TRDN: variants seen among roughly 807,000 people sequenced by gnomAD.
The protein encoded by TRDN is triadin.
Under a neutral mutation model 149.7 loss-of-function variants are expected in TRDN, and 161 were observed. That is an observed-to-expected ratio of 1.08 (90% CI 0.95 to 1.23). TRDN has a LOEUF of 1.23. TRDN is among the 50% of genes most tolerant of loss of function. The probability of loss-of-function intolerance (pLI) is 0.00; values close to 1 mark genes in which losing one functional copy is unlikely to be tolerated. For synonymous variants in TRDN, 294 were observed against 250.5 expected, an observed-to-expected ratio of 1.17 and a Z score of -1.64; for missense variants, 896 against 823.5, an observed-to-expected ratio of 1.09 and a Z score of -1.08.
At chr6:123,508,242 A>T (rs960184246) in intron 7 of TRDN, among the ~76,000 whole-genome samples, 2 of 152,188 alleles carry the variant, frequency 1.3e-5, no homozygotes, top group Non-Finnish European at 2.9e-5. Context: ...AAAGCCATTT[A>T]TCAAAGATGG....
Position 123,381,956 on chromosome 6 carries a change from G to GCTCT in TRDN, c.1165+158_1165+161dup, listed in dbSNP as rs55997261. On this transcript the variant is annotated intron_variant, in intron 15 of 40. Coordinates refer to ENST00000334268, the MANE Select transcript of TRDN (RefSeq NM_006073.4). ...GCAGTATTGTCAGAATAGATTTGGC[G>GCTCT]CTCTCTCTCTCTCTCTCTCTCTCTC... is the stretch of plus-strand genomic sequence containing the variant. 0.16 allele frequency among the ~76,000 whole-genome samples: 21,781 copies of GCTCT among 138,240 alleles called. 1,637 individuals are homozygous for GCTCT. The highest frequency in any genetic ancestry group is 0.25 in the South Asian group (1,037 of 4,158). 90.7% of individuals were successfully genotyped at this position (138,240 alleles called of 152,430 possible). A position where few individuals can be genotyped will look rare whatever the true frequency, so the allele number is the denominator to read the frequency against.
chr6:123,558,298 C>T (rs1033305692), intron 2 of TRDN, among the ~76,000 whole-genome samples: 5 of 152,002 alleles, frequency 3.3e-5, no homozygotes, highest in Admixed American at 6.6e-5. Context: ...GGCTGCTCAT[C>T]GCCAGGCTGA....
chr6:123,622,239 T>C (rs897599154), intron 1 of TRDN, among the ~76,000 whole-genome samples: 2 of 152,094 alleles, frequency 1.3e-5, no homozygotes, highest in East Asian at 1.9e-4. Context: ...TTATCTTCTT[T>C]ATGATTTTCT....
At chr6:123,526,571 C>G (rs1023853509) in intron 5 of TRDN, among the ~76,000 whole-genome samples, 1 of 151,998 alleles carries the variant, frequency 6.6e-6, no homozygotes, top group Non-Finnish European at 1.5e-5. Flanking sequence ...GGTAAACCTA[C>G]GTATTCTTAG....
At chr6:123,427,592 G>A (rs1949957673) in intron 12 of TRDN, among the ~76,000 whole-genome samples, 1 of 151,946 alleles carries the variant, frequency 6.6e-6, no homozygotes, top group South Asian at 2.1e-4. Flanking sequence ...ATCCCACATT[G>A]TCTACTTCTA....
intron 21 of TRDN, among the ~76,000 whole-genome samples, chr6:123,348,475 T>C (rs9401663): frequency 0.7 from 105,619 of 151,888 alleles, 38,161 homozygotes; most frequent in East Asian, 0.85. Flanking sequence ...AAGTAATTGA[T>C]GATAAGGAAC....
chr6:123,509,899 T>A (rs1417712691), intron 7 of TRDN: 1 of 152,174 alleles, frequency 6.6e-6, no homozygotes, highest in Non-Finnish European at 1.5e-5. Flanking sequence ...GGGTTTTTAG[T>A]CTTAACCAAA....
chr6:123,635,896 G>A (rs181071132), intron 1 of TRDN, among the ~76,000 whole-genome samples: 47 of 151,638 alleles, frequency 3.1e-4, no homozygotes, highest in African/African-American at 9.4e-4. Flanking sequence ...TAAGAAATAC[G>A]TACATATATA....
chr6:123,548,675 A>G, intron 2 of TRDN, 63 bp from the exon 3 acceptor site: 1 of 1,254,964 alleles, frequency 8.0e-7, no homozygotes, highest in Non-Finnish European at 1.0e-6. Context: ...TAACTTAAGA[A>G]AAGCTGTTTT....
intron 9 of TRDN, among the ~76,000 whole-genome samples, chr6:123,475,319 A>G (rs1173988140): frequency 1.5e-4 from 22 of 148,824 alleles, no homozygotes; most frequent in African/African-American, 5.0e-4. Flanking sequence ...AGAAATGGAT[A>G]AATTCCTCAA....
At position 123,360,703 on chromosome 6, in the gene TRDN, A is replaced by AAGAGAG. The variant is rs930420318; in HGVS notation, c.1321+5426_1321+5431dup. Among the ~76,000 whole-genome samples the AAGAGAG allele has an allele frequency of 2.6e-5, 3 of 114,344 alleles. No homozygotes were observed. The East Asian group carries it at 7.5e-4, about 28-fold the overall frequency. The allele number at this position is 114,344 out of a possible 152,430, so 75.0% of individuals were successfully genotyped here. A position where few individuals can be genotyped will look rare whatever the true frequency, so the allele number is the denominator to read the frequency against. ...ATAAAGTGGTAGAGAGACAGAGAGA[A>AAGAGAG]AGAGAGAGAGAGAGACGGAGAGAGA... On this transcript the variant is annotated intron_variant, in intron 20 of 40. Transcript: ENST00000334268.
intron 1 of TRDN, among the ~76,000 whole-genome samples, chr6:123,602,432 G>T (rs1229627886): frequency 9.3e-6 from 1 of 107,054 alleles, no homozygotes; most frequent in African/African-American, 2.8e-5. Context: ...CAGAGGGAAG[G>T]GTTGTAGGGG....
chr6:123,559,672 A>G (rs1284541353), intron 2 of TRDN, among the ~76,000 whole-genome samples: 1 of 152,200 alleles, frequency 6.6e-6, no homozygotes, highest in Non-Finnish European at 1.5e-5. Context: ...CTCGCCTGCT[A>G]CAGCATGGCT....
intron 24 of TRDN, among the ~76,000 whole-genome samples, chr6:123,304,494 C>T (rs2013487): frequency 0.43 from 65,041 of 151,672 alleles, 15,198 homozygotes; most frequent in Admixed American, 0.56. Context: ...CCTCATGATC[C>T]GCCAGCCTCG....
chr6:123,481,160 G>C (rs1008083690), intron 9 of TRDN, among the ~76,000 whole-genome samples: 4 of 152,052 alleles, frequency 2.6e-5, no homozygotes, highest in African/African-American at 4.8e-5. Context: ...CCATATCCAA[G>C]ACTCTCTCAA....
intron 2 of TRDN, among the ~76,000 whole-genome samples, chr6:123,567,839 A>G (rs1782370496): frequency 6.6e-6 from 1 of 152,148 alleles, no homozygotes; most frequent in Non-Finnish European, 1.5e-5. Flanking sequence ...TCCAAACTAT[A>G]TAATTTTATC....
At chr6:123,539,447 T>C (rs1330617390) in intron 4 of TRDN, among the ~76,000 whole-genome samples, 1 of 152,178 alleles carries the variant, frequency 6.6e-6, no homozygotes, top group Non-Finnish European at 1.5e-5. Context: ...AATCGTAAAA[T>C]ATCATAGCTA....
chr6:123,403,027 G>A (rs373446421), intron 12 of TRDN, among the ~76,000 whole-genome samples: 2 of 152,274 alleles, frequency 1.3e-5, no homozygotes, highest in African/African-American at 4.8e-5. Flanking sequence ...AAAAGATATG[G>A]AGATTCTAAA....
chr6:123,283,887 A>T, intron 24 of TRDN, among the ~76,000 whole-genome samples: 1 of 147,128 alleles, frequency 6.8e-6, no homozygotes, highest in African/African-American at 2.5e-5. Context: ...TTCTGCTGTG[A>T]ATATTTCTGG....
Sources: gnomAD v4.1 joint callset for allele counts (sites outside exome capture counted in the v4.1 genomes callset) on GRCh38, gnomAD v4.1.1 for gene constraint, MANE v1.5 for transcripts, NCBI Gene and HGNC (gene_info 2026-07-23, HGNC 2026-07-21) for gene names.